ADGRB3: variants seen among roughly 807,000 people sequenced by gnomAD.
ADGRB3 encodes the protein brain-specific angiogenesis inhibitor 3.
Under a neutral mutation model 193.4 loss-of-function variants are expected in ADGRB3, and 37 were observed. That is an observed-to-expected ratio of 0.19 (90% CI 0.15 to 0.25). The LOEUF (loss-of-function observed/expected upper bound fraction) is 0.25, where lower values mean the gene tolerates loss of function less well. Among genes scored for constraint, ADGRB3 ranks in the 10% least tolerant of loss-of-function variants. The probability of loss-of-function intolerance (pLI) is 1.00; values close to 1 mark genes in which losing one functional copy is unlikely to be tolerated. For synonymous variants in ADGRB3, 690 were observed against 644.2 expected, an observed-to-expected ratio of 1.07 and a Z score of -1.08; for missense variants, 1,637 against 1,852.9, an observed-to-expected ratio of 0.88 and a Z score of 2.14.
In ADGRB3 at chr6:69,065,760, T is replaced by TAC. The variant is rs1485700358; in HGVS notation, c.2436+2725_2436+2726insCA. Among the ~76,000 whole-genome samples, 636 of 118,144 alleles carry TAC rather than the reference T, an allele frequency of 5.4e-3. 3 individuals carry two copies. The highest frequency in any genetic ancestry group is 0.012 in the African/African-American group (399 of 33,280). The allele number at this position is 118,144 out of a possible 152,430, so 77.5% of individuals were successfully genotyped here. A position where few individuals can be genotyped will look rare whatever the true frequency, so the allele number is the denominator to read the frequency against. On this transcript the variant is annotated intron_variant, in intron 16 of 31. Coordinates refer to ENST00000370598, the MANE Select transcript of ADGRB3 (RefSeq NM_001704.3). ...AGAACAAGCCTGAACTTCATGTATA[T>TAC]ATATACACACACACACACACACACA...
At chr6:68,871,868 C>G (rs138821026) in intron 3 of ADGRB3, among the ~76,000 whole-genome samples, 1 of 152,060 alleles carries the variant, frequency 6.6e-6, no homozygotes, top group African/African-American at 2.4e-5. Context: ...TACCTAAAGG[C>G]GAGAAAGAAC....
intron 17 of ADGRB3, among the ~76,000 whole-genome samples, chr6:69,209,128 G>T (rs907522836): frequency 1.3e-5 from 2 of 152,160 alleles, no homozygotes; most frequent in African/African-American, 2.4e-5. Flanking sequence ...CTGCTGGCTC[G>T]TATGGACCAA....
Position 69,021,545 on chromosome 6 carries a change from TG to T in ADGRB3, c.2107+3047del, listed in dbSNP as rs376311335. Among the ~76,000 whole-genome samples the T allele has an allele frequency of 1.7e-4, 26 of 152,000 alleles. No individual in the cohort carries two copies. The East Asian group carries it at 3.7e-3, about 21-fold the overall frequency. ...TGTATAGCAAATAGAATAGATGAAATGCTGGAACAATAATAACAAAGAAATA... is the reference window on the plus strand; with the variant it reads ...TGTATAGCAAATAGAATAGATGAAATCTGGAACAATAATAACAAAGAAATA... On this transcript the variant is annotated intron_variant, in intron 13 of 31. Coordinates refer to ENST00000370598, the MANE Select transcript of ADGRB3 (RefSeq NM_001704.3).
chr6:68,647,901 C>T (rs1768252413), intron 3 of ADGRB3, among the ~76,000 whole-genome samples: 1 of 152,132 alleles, frequency 6.6e-6, no homozygotes, highest in South Asian at 2.1e-4. Flanking sequence ...TTATTAGAGA[C>T]CAATGATCCC....
chr6:69,251,840 A>G (rs1297030445), intron 20 of ADGRB3, among the ~76,000 whole-genome samples: 1 of 152,178 alleles, frequency 6.6e-6, no homozygotes, highest in East Asian at 1.9e-4. Context: ...ATTATTATCA[A>G]CTAAGTTACT....
rs1240022306 is a variant in ADGRB3 at position 69,150,930 on chromosome 6, C to T, written c.2480+74892C>T. 3.3e-5 allele frequency among the ~76,000 whole-genome samples: 5 copies of T among 152,320 alleles called. No individual in the cohort carries two copies. The East Asian group carries it at 9.7e-4, about 29-fold the overall frequency. On this transcript the variant is annotated intron_variant, in intron 17 of 31. Transcript: ENST00000370598. ...GCTAGGGCCAGGAATGGGGGCCTTA[C>T]AATTTTGCCCACTGCCCAATCCTAT...
rs1458322005 is a variant in ADGRB3, at chr6:69,031,071, C to A, written c.2107+12572C>A. 1.4e-4 allele frequency among the ~76,000 whole-genome samples: 7 copies of A among 48,710 alleles called. 1 individual carries two copies. Among genetic ancestry groups the A allele is most frequent in the South Asian group, 1.2e-3 (2 of 1,722 alleles). 32.0% of individuals were successfully genotyped at this position (48,710 alleles called of 152,430 possible). A position where few individuals can be genotyped will look rare whatever the true frequency, so the allele number is the denominator to read the frequency against. On this transcript the variant is annotated intron_variant, in intron 13 of 31. Coordinates refer to ENST00000370598, the MANE Select transcript of ADGRB3 (RefSeq NM_001704.3). Reference sequence around the variant, plus strand: ...CTTCTCTTCTCTTCTCTTCTCTTCTCTTCTCTTCTCTTCTCTTCTCTTCTC... The same window carrying A: ...CTTCTCTTCTCTTCTCTTCTCTTCTATTCTCTTCTCTTCTCTTCTCTTCTC...
intron 17 of ADGRB3, among the ~76,000 whole-genome samples, chr6:69,147,099 G>A (rs565907182): frequency 6.6e-6 from 1 of 151,458 alleles, no homozygotes; most frequent in Non-Finnish European, 1.5e-5. Context: ...AACACTTTTT[G>A]TTGCATTTAT....
intron 5 of ADGRB3, among the ~76,000 whole-genome samples, chr6:68,941,156 T>C (rs1393943410): frequency 6.6e-6 from 1 of 152,190 alleles, no homozygotes; most frequent in Non-Finnish European, 1.5e-5. Context: ...AGACCATTTA[T>C]AGATTCTCAT....
At chr6:68,861,414 T>C (rs1014198809) in intron 3 of ADGRB3, among the ~76,000 whole-genome samples, 3 of 151,916 alleles carry the variant, frequency 2.0e-5, no homozygotes. Context: ...ACAAAAAAAT[T>C]AGCCGGGCGT....
chr6:69,287,460 C>T (rs1263391903), intron 20 of ADGRB3, among the ~76,000 whole-genome samples: 1 of 152,048 alleles, frequency 6.6e-6, no homozygotes, highest in Non-Finnish European at 1.5e-5. Context: ...AGAAAAAAAA[C>T]TGAATCTACA....
intron 30 of ADGRB3, among the ~76,000 whole-genome samples, chr6:69,375,380 A>G (rs1315476340): frequency 2.6e-5 from 4 of 152,034 alleles, no homozygotes. Context: ...TGGAGGTGGT[A>G]GGAAGAGAAA....
At chr6:69,128,603 C>G (rs1773918231) in intron 17 of ADGRB3, among the ~76,000 whole-genome samples, 1 of 152,148 alleles carries the variant, frequency 6.6e-6, no homozygotes, top group African/African-American at 2.4e-5. Context: ...AATCATCGAT[C>G]CAGGCTCAAA....
chr6:68,703,677 CAGT>C (rs1440269429), intron 3 of ADGRB3, among the ~76,000 whole-genome samples: 1 of 152,170 alleles, frequency 6.6e-6, no homozygotes, highest in Non-Finnish European at 1.5e-5. Flanking sequence ...GCCTGGAGTG[CAGT>C]GGCGCAATCT....
At position 68,717,253 on chromosome 6, in the gene ADGRB3, T is replaced by C. The variant is rs1582143632; in HGVS notation, c.757+77821T>C. On this transcript the variant is annotated intron_variant, in intron 3 of 31. Transcript: ENST00000370598. ...TGCACAGTTCTTATAAAGGTTCTTA[T>C]AGCAATATATCTATATATAATTCAT... is the stretch of plus-strand genomic sequence containing the variant. 2.6e-5 allele frequency among the ~76,000 whole-genome samples: 4 copies of C among 151,750 alleles called. No homozygotes were observed. The South Asian group carries it at 8.3e-4, about 31-fold the overall frequency.
At chr6:68,711,542 C>T (rs1765408813) in intron 3 of ADGRB3, among the ~76,000 whole-genome samples, 1 of 152,062 alleles carries the variant, frequency 6.6e-6, no homozygotes, top group African/African-American at 2.4e-5. Context: ...CCTTGACTTT[C>T]TGCATAAATG....
intron 20 of ADGRB3, among the ~76,000 whole-genome samples, chr6:69,306,158 G>A (rs1768063915): frequency 6.6e-6 from 1 of 151,364 alleles, no homozygotes; most frequent in African/African-American, 2.4e-5. Flanking sequence ...TGTGGTGTTG[G>A]GGTGAGATGG....
chr6:68,720,582 T>G (rs1765558501), intron 3 of ADGRB3, among the ~76,000 whole-genome samples: 1 of 151,718 alleles, frequency 6.6e-6, no homozygotes, highest in South Asian at 2.1e-4. Context: ...AGGTGAGAAA[T>G]GAGTGTTAGA....
chr6:69,048,248 G>T lies in ADGRB3; in HGVS notation c.2171G>T (p.Gly724Val), dbSNP rs756162987. The change falls in exon 14 of 32, where the codon GGA (glycine) becomes GTA (valine). Residue 724 changes from glycine (G) to valine (V), a missense_variant. This residue lies in a region of ADGRB3 where 641 missense variants were observed against 673.9 expected (regional missense o/e 0.95). Transcript: ENST00000370598. ...ACAGACATCAACTTTCCAATGAAAG[G>T]ACGGAAGGGAATGGTTGACTGGGCA... Reference protein sequence around the residue: ...VLTDINFPMKGRKGMVDWARN... With the variant: ...VLTDINFPMKVRKGMVDWARN... 6.2e-7 allele frequency: 1 copy of T among 1,613,542 alleles called. No homozygotes were observed. Among genetic ancestry groups the T allele is most frequent in the Non-Finnish European group, 8.5e-7 (1 of 1,179,732 alleles).
Sources: gnomAD v4.1 joint callset for allele counts (sites outside exome capture counted in the v4.1 genomes callset) on GRCh38, gnomAD v4.1.1 for gene constraint, gnomAD v4.1.1 regional missense constraint, MANE v1.5 for transcripts, NCBI Gene and HGNC (gene_info 2026-07-23, HGNC 2026-07-21) for gene names.